The following PIP5K1B variants were observed in gnomAD, a reference collection of about 807,000 sequenced individuals.
PIP5K1B encodes phosphatidylinositol-4-phosphate 5-kinase type 1 beta.
In PIP5K1B, 42 loss-of-function variants were observed where a neutral mutation model predicts 67.0. That is an observed-to-expected ratio of 0.63 (90% confidence interval 0.49 to 0.81). PIP5K1B has a LOEUF of 0.81. PIP5K1B is among the 30% of genes least tolerant of loss of function. PIP5K1B has a pLI of 0.00. For missense variants in PIP5K1B, 459 were observed against 646.3 expected (o/e 0.71, Z 3.14); for synonymous variants, 214 against 231.4 (o/e 0.92, Z 0.68).
At chr9:68,847,655 C>A (rs1026524982) in intron 4 of PIP5K1B, among the ~76,000 whole-genome samples, 1 of 151,936 alleles carries the variant, frequency 6.6e-6, no homozygotes, top group African/African-American at 2.4e-5. Flanking sequence ...TATAGGACAC[C>A]TTTTCAATTA....
intron 5 of PIP5K1B, among the ~76,000 whole-genome samples, chr9:68,874,357 G>A (rs1249567564): frequency 6.6e-6 from 1 of 152,050 alleles, no homozygotes; most frequent in Non-Finnish European, 1.5e-5. Context: ...TATGCCTAAG[G>A]AAATAAATGT....
intron 4 of PIP5K1B, among the ~76,000 whole-genome samples, chr9:68,823,365 T>C (rs11143870): frequency 0.094 from 14,260 of 152,196 alleles, 845 homozygotes; most frequent in Non-Finnish European, 0.14. Context: ...GGGCATGCAG[T>C]GTTCTGTGTA....
intron 2 of PIP5K1B, among the ~76,000 whole-genome samples, chr9:68,792,693 A>G (rs1832049134): frequency 1.3e-5 from 2 of 152,058 alleles, no homozygotes; most frequent in South Asian, 2.1e-4. Flanking sequence ...ATTAGCCAGG[A>G]TGGTCTCGAT....
At chr9:68,775,715 G>A (rs1830883877) in intron 2 of PIP5K1B, among the ~76,000 whole-genome samples, 1 of 152,180 alleles carries the variant, frequency 6.6e-6, no homozygotes, top group Non-Finnish European at 1.5e-5. Flanking sequence ...CCAAAACTGT[G>A]GGTAGGAGGG....
chr9:68,975,325 T>C (rs1358497858), intron 14 of PIP5K1B, among the ~76,000 whole-genome samples: 2 of 152,172 alleles, frequency 1.3e-5, no homozygotes, highest in Non-Finnish European at 2.9e-5. Flanking sequence ...TGCCTTAGCC[T>C]CCCAAAGTGC....
chr9:68,833,283 G>A (rs564002385), intron 4 of PIP5K1B, among the ~76,000 whole-genome samples: 5 of 152,352 alleles, frequency 3.3e-5, no homozygotes, highest in African/African-American at 7.2e-5. Context: ...GGCTGGGATC[G>A]CGAGTGTGTG....
Position 68,745,558 on chromosome 9 carries a change from A to G in PIP5K1B, c.-86+2901A>G, listed in dbSNP as rs116111629. Among the ~76,000 whole-genome samples, 445 of 152,296 alleles carry G rather than the reference A, an allele frequency of 2.9e-3. 4 individuals carry two copies. The highest frequency in any genetic ancestry group is 0.015 in the South Asian group (71 of 4,820). ...CTTGGAGATGCACATGACACACAGC[A>G]TAGAAAAGGCTCCTGGGAGTAGACA... is the stretch of plus-strand genomic sequence containing the variant. On this transcript the variant is annotated intron_variant, in intron 2 of 15. Transcript: ENST00000265382.
At chr9:68,862,972 G>A (rs1823174675) in intron 4 of PIP5K1B, among the ~76,000 whole-genome samples, 1 of 151,856 alleles carries the variant, frequency 6.6e-6, no homozygotes, top group Non-Finnish European at 1.5e-5. Flanking sequence ...GGTGGGGATG[G>A]GTCTTAGATT....
chr9:68,708,068 C>T (rs10869219), intron 1 of PIP5K1B: 2 of 152,084 alleles, frequency 1.3e-5, no homozygotes, highest in African/African-American at 4.8e-5. Context: ...ATCCCTTCCC[C>T]CCTTTACTAC....
At chr9:68,780,278 C>T in intron 2 of PIP5K1B, 2 of 1,579,794 alleles carry the variant, frequency 1.3e-6, no homozygotes, top group Admixed American at 1.8e-5. Context: ...CTAACAGCGC[C>T]CCCCTGATCC....
chr9:68,901,706 G>C lies in PIP5K1B; in HGVS notation c.771+7068G>C, dbSNP rs142104302. 2.3e-3 allele frequency among the ~76,000 whole-genome samples: 346 copies of C among 152,286 alleles called. 2 individuals carry two copies. The highest frequency in any genetic ancestry group is 8.0e-3 in the African/African-American group (334 of 41,550). Reference sequence around the variant, plus strand: ...TAAGCATAAAGCAAAGTTAAAGTTGGTGAACAAATAAAACCAACTCATAGA... The same window carrying C: ...TAAGCATAAAGCAAAGTTAAAGTTGCTGAACAAATAAAACCAACTCATAGA... On this transcript the variant is annotated intron_variant, in intron 8 of 15. Transcript: ENST00000265382.
intron 2 of PIP5K1B, chr9:68,786,241 GTAATAA>G (rs1395998552): frequency 6.6e-6 from 1 of 152,126 alleles, no homozygotes; most frequent in African/African-American, 2.4e-5. Flanking sequence ...GTTTTTGCCA[GTAATAA>G]TAATAATGAT....
chr9:68,812,335 C>T (rs1212672723), intron 2 of PIP5K1B, among the ~76,000 whole-genome samples: 2 of 152,156 alleles, frequency 1.3e-5, no homozygotes, highest in Non-Finnish European at 2.9e-5. Flanking sequence ...AAACATAGAA[C>T]TATAGAAAGC....
chr9:68,803,385 C>T (rs1264183734), intron 2 of PIP5K1B, among the ~76,000 whole-genome samples: 1 of 152,104 alleles, frequency 6.6e-6, no homozygotes, highest in Non-Finnish European at 1.5e-5. Context: ...TATTCAGAAG[C>T]AGTGAGAAGA....
At chr9:68,730,648 A>C (rs1253043795) in intron 1 of PIP5K1B, among the ~76,000 whole-genome samples, 4 of 152,252 alleles carry the variant, frequency 2.6e-5, no homozygotes, top group African/African-American at 4.8e-5. Flanking sequence ...GCAGAAAAGC[A>C]GAGAATTTCA....
At chr9:68,756,271 A>T (rs1158779460) in intron 2 of PIP5K1B, among the ~76,000 whole-genome samples, 1 of 152,252 alleles carries the variant, frequency 6.6e-6, no homozygotes, top group Non-Finnish European at 1.5e-5. Flanking sequence ...CCAAAGCCGA[A>T]AAAGGAAGAG....
At chr9:68,734,285 C>G (rs534518898) in intron 1 of PIP5K1B, among the ~76,000 whole-genome samples, 1 of 152,134 alleles carries the variant, frequency 6.6e-6, no homozygotes, top group African/African-American at 2.4e-5. Context: ...TGAGGAAATA[C>G]GCATGTGAGA....
chr9:68,884,925 A>G (rs1007910213), intron 6 of PIP5K1B, among the ~76,000 whole-genome samples: 4 of 152,218 alleles, frequency 2.6e-5, no homozygotes, highest in Non-Finnish European at 4.4e-5. Flanking sequence ...CTAAAAATAG[A>G]GCTACCATAT....
At chr9:68,799,945 C>T (rs140486248) in intron 2 of PIP5K1B, among the ~76,000 whole-genome samples, 2 of 152,192 alleles carry the variant, frequency 1.3e-5, no homozygotes, top group East Asian at 3.9e-4. Flanking sequence ...GAAAAGGCAA[C>T]TCATGGAATG....
Sources: gnomAD v4.1 joint callset for allele counts (sites outside exome capture counted in the v4.1 genomes callset) on GRCh38, gnomAD v4.1.1 for gene constraint, MANE v1.5 for transcripts, NCBI Gene and HGNC (gene_info 2026-07-23, HGNC 2026-07-21) for gene names.